GRID2: variants seen among roughly 807,000 people sequenced by gnomAD.
GRID2 encodes glutamate receptor ionotropic, delta-2.
GRID2 carries 33 observed loss-of-function variants against 114.8 expected under a neutral mutation model. The observed-to-expected ratio is 0.29, with a 90% CI of 0.22 to 0.38. The LOEUF is 0.38. Among genes scored for constraint, GRID2 ranks in the 10% least tolerant of loss-of-function variants. The probability of loss-of-function intolerance (pLI) is 1.00; values close to 1 mark genes in which losing one functional copy is unlikely to be tolerated. For synonymous variants in GRID2, 505 were observed against 449.9 expected (o/e 1.12, Z -1.55); for missense variants, 1,184 against 1,257.7 (o/e 0.94, Z 0.89).
intron 9 of GRID2, among the ~76,000 whole-genome samples, chr4:93,406,664 T>C (rs1352457530): frequency 5.9e-5 from 9 of 152,166 alleles, no homozygotes; most frequent in African/African-American, 2.2e-4. Context: ...AGAAAGTATG[T>C]ATTTATCTTT....
intron 1 of GRID2, among the ~76,000 whole-genome samples, chr4:92,501,614 A>T (rs1168312141): frequency 6.6e-6 from 1 of 152,094 alleles, no homozygotes; most frequent in Non-Finnish European, 1.5e-5. Context: ...AACCTCTCTG[A>T]TGCAGGTATC....
At chr4:93,697,053 A>G (rs79386906) in intron 14 of GRID2, among the ~76,000 whole-genome samples, 6,239 of 152,266 alleles carry the variant, frequency 0.041, 196 homozygotes, top group African/African-American at 0.08. Flanking sequence ...TTGTAAAATC[A>G]AAGACATGTA....
chr4:93,798,582 A>G (rs1734854919), intron 1 of GRID2, among the ~76,000 whole-genome samples: 1 of 152,244 alleles, frequency 6.6e-6, no homozygotes, highest in Admixed American at 6.5e-5. Flanking sequence ...TGCACATCAT[A>G]TTAAATACAT....
At chr4:93,664,698 G>C (rs1267787239) in intron 14 of GRID2, among the ~76,000 whole-genome samples, 1 of 152,124 alleles carries the variant, frequency 6.6e-6, no homozygotes, top group African/African-American at 2.4e-5. Context: ...GACGTTTGAA[G>C]CTGTGGAGTA....
chr4:93,728,641 A>G (rs1045992992), intron 14 of GRID2, among the ~76,000 whole-genome samples: 3 of 152,234 alleles, frequency 2.0e-5, no homozygotes, highest in East Asian at 3.9e-4. Flanking sequence ...GTAGGTCACT[A>G]AGGACTTGCT....
intron 4 of GRID2, among the ~76,000 whole-genome samples, chr4:93,199,897 C>T (rs1579268844): frequency 6.6e-6 from 1 of 152,258 alleles, no homozygotes; most frequent in East Asian, 1.9e-4. Context: ...CTAAAGAAAA[C>T]AAGTGAAGAA....
At chr4:93,700,686 G>A (rs544712118) in intron 14 of GRID2, among the ~76,000 whole-genome samples, 1 of 152,248 alleles carries the variant, frequency 6.6e-6, no homozygotes, top group Admixed American at 6.5e-5. Context: ...CATCATCTAA[G>A]GATATAAAGT....
At chr4:93,460,547 T>G (rs1307166324) in intron 11 of GRID2, among the ~76,000 whole-genome samples, 5 of 152,190 alleles carry the variant, frequency 3.3e-5, no homozygotes, top group Non-Finnish European at 7.4e-5. Context: ...CAACATGTAT[T>G]TGTCATAGTA....
intron 3 of GRID2, among the ~76,000 whole-genome samples, chr4:93,109,801 T>C (rs563518916): frequency 2.3e-4 from 35 of 152,286 alleles, no homozygotes; most frequent in Admixed American, 1.0e-3. Context: ...CAGATACTTA[T>C]TTCAGATATC....
intron 7 of GRID2, among the ~76,000 whole-genome samples, chr4:93,233,753 C>T (rs1228726267): frequency 6.6e-6 from 1 of 152,042 alleles, no homozygotes; most frequent in Non-Finnish European, 1.5e-5. Context: ...GACAGAACAC[C>T]AATTAAGAGG....
chr4:92,332,835 T>G (rs1726966077), intron 1 of GRID2, among the ~76,000 whole-genome samples: 1 of 152,204 alleles, frequency 6.6e-6, no homozygotes, highest in Non-Finnish European at 1.5e-5. Context: ...AATAATCTCC[T>G]TTGATTCCAT....
At chr4:93,208,267 T>C (rs1287889539) in intron 5 of GRID2, among the ~76,000 whole-genome samples, 1 of 152,032 alleles carries the variant, frequency 6.6e-6, no homozygotes, top group Non-Finnish European at 1.5e-5. Context: ...ATCCTGGTTT[T>C]ATAGTCAGCA....
intron 3 of GRID2, among the ~76,000 whole-genome samples, chr4:93,108,050 A>G (rs78690048): frequency 0.023 from 3,440 of 152,226 alleles, 40 homozygotes; most frequent in Middle Eastern, 0.054. Flanking sequence ...TTTTTGATCC[A>G]CAGGCTCTTT....
chr4:93,481,818 TGGAGAGG>T (rs1018031716), intron 11 of GRID2, among the ~76,000 whole-genome samples: 1 of 151,698 alleles, frequency 6.6e-6, no homozygotes, highest in African/African-American at 2.4e-5. Flanking sequence ...TCTAGGAGGG[TGGAGAGG>T]GACAGCAAAA....
chr4:92,830,805 C>T (rs1742050791), intron 2 of GRID2, among the ~76,000 whole-genome samples: 1 of 152,256 alleles, frequency 6.6e-6, no homozygotes, highest in East Asian at 1.9e-4. Flanking sequence ...CTACAGTCTT[C>T]ATCACTTTAA....
chr4:93,648,065 G>A (rs1017129812), intron 14 of GRID2, among the ~76,000 whole-genome samples: 1 of 152,162 alleles, frequency 6.6e-6, no homozygotes, highest in African/African-American at 2.4e-5. Context: ...TCTGACTTCA[G>A]CTGTCATGCC....
At chr4:92,941,780 A>G (rs369162598) in intron 2 of GRID2, among the ~76,000 whole-genome samples, 1 of 151,936 alleles carries the variant, frequency 6.6e-6, no homozygotes, top group African/African-American at 2.4e-5. Flanking sequence ...CTTTGTTCTC[A>G]TTGGTTTCAA....
At chr4:93,686,206 T>C (rs1433392687) in intron 14 of GRID2, among the ~76,000 whole-genome samples, 2 of 151,994 alleles carry the variant, frequency 1.3e-5, no homozygotes, top group Non-Finnish European at 2.9e-5. Context: ...ACCTAGCAGA[T>C]GCCTTTGAGT....
At chr4:92,959,758 A>G (rs1752667449) in intron 2 of GRID2, among the ~76,000 whole-genome samples, 1 of 152,064 alleles carries the variant, frequency 6.6e-6, no homozygotes, top group East Asian at 1.9e-4. Flanking sequence ...GCAGGAACAG[A>G]AAATCAAACA....
Sources: allele counts gnomAD v4.1 joint callset (sites outside exome capture counted in the v4.1 genomes callset), GRCh38; gene constraint gnomAD v4.1.1; transcripts MANE v1.5; gene names NCBI Gene and HGNC (gene_info 2026-07-23, HGNC 2026-07-21).